The following UBE2E2 variants were observed in gnomAD, a reference collection of about 807,000 sequenced individuals.
UBE2E2 encodes ubiquitin-conjugating enzyme E2 E2.
UBE2E2 carries 6 observed loss-of-function variants against 24.7 expected under a neutral mutation model. The observed-to-expected ratio is 0.24, with a 90% CI of 0.13 to 0.48. UBE2E2 has a LOEUF of 0.48. UBE2E2 is among the 20% of genes least tolerant of loss of function. UBE2E2 has a pLI of 0.99. For synonymous variants in UBE2E2, 104 were observed against 83.6 expected, an observed-to-expected ratio of 1.24 and a Z score of -1.33; for missense variants, 169 against 245.0, an observed-to-expected ratio of 0.69 and a Z score of 2.07.
At chr3:23,329,919 A>G (rs927557244) in intron 3 of UBE2E2, among the ~76,000 whole-genome samples, 2 of 152,228 alleles carry the variant, frequency 1.3e-5, no homozygotes, top group African/African-American at 2.4e-5. Context: ...TGTATTTGGC[A>G]AGAATAAAAA....
At chr3:23,481,971 A>G (rs1442659629) in intron 3 of UBE2E2, among the ~76,000 whole-genome samples, 2 of 152,260 alleles carry the variant, frequency 1.3e-5, no homozygotes, top group Admixed American at 1.3e-4. Flanking sequence ...TACCATGACT[A>G]GTGAACTCTG....
intron 4 of UBE2E2, among the ~76,000 whole-genome samples, chr3:23,504,912 C>CTTTCTTTTTTTTTTTTTT (rs1694401271): frequency 1.1e-5 from 1 of 95,072 alleles, no homozygotes; most frequent in Non-Finnish European, 2.0e-5. Context: ...GACATTCTTT[C>CTTTCTTTTTTTTTTTTTT]TTTTTTTTTT....
At chr3:23,221,564 T>C (rs1696642885) in intron 3 of UBE2E2, among the ~76,000 whole-genome samples, 1 of 152,234 alleles carries the variant, frequency 6.6e-6, no homozygotes, top group Admixed American at 6.5e-5. Context: ...GTGCTTTTTG[T>C]GTCTGGCTTT....
chr3:23,339,670 T>C (rs1695328797), intron 3 of UBE2E2, among the ~76,000 whole-genome samples: 1 of 151,710 alleles, frequency 6.6e-6, no homozygotes, highest in Non-Finnish European at 1.5e-5. Context: ...AATTATGTTA[T>C]GTTTAAATTT....
chr3:23,550,515 CAG>C (rs1695618241), intron 5 of UBE2E2, among the ~76,000 whole-genome samples: 1 of 152,112 alleles, frequency 6.6e-6, no homozygotes, highest in African/African-American at 2.4e-5. Flanking sequence ...CTATGTTGTC[CAG>C]AGAGTTTTGT....
chr3:23,293,593 G>T (rs779068972), intron 3 of UBE2E2, among the ~76,000 whole-genome samples: 3 of 152,118 alleles, frequency 2.0e-5, no homozygotes, highest in Non-Finnish European at 4.4e-5. Context: ...TGAAGTATAA[G>T]AATTAATTCT....
chr3:23,440,470 G>A (rs1387308079), intron 3 of UBE2E2, among the ~76,000 whole-genome samples: 1 of 152,152 alleles, frequency 6.6e-6, no homozygotes, highest in Admixed American at 6.5e-5. Context: ...TTATCTCCAT[G>A]TTAACATTTA....
intron 3 of UBE2E2, among the ~76,000 whole-genome samples, chr3:23,349,732 A>C (rs1032957932): frequency 6.6e-6 from 1 of 152,240 alleles, no homozygotes; most frequent in Non-Finnish European, 1.5e-5. Flanking sequence ...GCAGCCAGGA[A>C]GCTCAAACTG....
intron 3 of UBE2E2, among the ~76,000 whole-genome samples, chr3:23,229,385 C>T (rs1696915467): frequency 6.6e-6 from 1 of 152,056 alleles, no homozygotes; most frequent in African/African-American, 2.4e-5. Flanking sequence ...TTTTGGTGCA[C>T]CCATCTCCTG....
At chr3:23,502,214 G>T (rs1699738480) in intron 4 of UBE2E2, among the ~76,000 whole-genome samples, 1 of 138,314 alleles carries the variant, frequency 7.2e-6, no homozygotes, top group African/African-American at 2.7e-5. Context: ...CTGCTGCTTG[G>T]TATTTTTCTC....
intron 5 of UBE2E2, among the ~76,000 whole-genome samples, chr3:23,545,858 G>A (rs898501459): frequency 2.0e-5 from 3 of 152,070 alleles, no homozygotes; most frequent in Admixed American, 6.6e-5. Context: ...TAACATCTAC[G>A]GCAACTTGGA....
chr3:23,572,248 T>C (rs188782341), intron 5 of UBE2E2, among the ~76,000 whole-genome samples: 3 of 152,320 alleles, frequency 2.0e-5, no homozygotes, highest in East Asian at 1.9e-4. Flanking sequence ...CTGGTTTGGG[T>C]TAAGCCTATA....
At chr3:23,566,366 C>T (rs758590797) in intron 5 of UBE2E2, among the ~76,000 whole-genome samples, 3 of 152,070 alleles carry the variant, frequency 2.0e-5, no homozygotes, top group South Asian at 2.1e-4. Context: ...TTTTGAAGAG[C>T]GAAGTTGTGT....
Position 23,541,622 on chromosome 3 carries a change from A to G in UBE2E2, c.508+8921A>G, listed in dbSNP as rs930816202. Among the ~76,000 whole-genome samples the G allele has an allele frequency of 5.9e-5, 9 of 152,366 alleles. No homozygotes were observed. In the South Asian group the frequency reaches 1.7e-3, roughly 28 times the overall value. ...TTGGAAGAACTTTCTGCTTAAGAGTATCCTACAGGGAAACCTGTTGCCACA... is the reference window on the plus strand; with the variant it reads ...TTGGAAGAACTTTCTGCTTAAGAGTGTCCTACAGGGAAACCTGTTGCCACA... On this transcript the variant is annotated intron_variant, in intron 5 of 5. Transcript: ENST00000396703.
At position 23,341,443 on chromosome 3, in the gene UBE2E2, A is replaced by G. The variant is rs185710899; in HGVS notation, c.227+124131A>G. On this transcript the variant is annotated intron_variant, in intron 3 of 5. Transcript: ENST00000396703. ...GGGCATTGTAGGTCTCATTTTGGAC[A>G]TATGAACTCTGGTAGTTATAAATAC... Among the ~76,000 whole-genome samples, 700 of 152,326 alleles carry G rather than the reference A, an allele frequency of 4.6e-3. 7 individuals carry two copies. The highest frequency in any genetic ancestry group is 0.015 in the African/African-American group (643 of 41,584).
In UBE2E2 at chr3:23,416,050, C is replaced by T. The variant is rs552618098; in HGVS notation, c.228-83558C>T. On this transcript the variant is annotated intron_variant, in intron 3 of 5. Transcript: ENST00000396703. ...GAGAATGATGGTTTCCGGCTTCATCCATGTCCCTACAAAGGACGTGAACTC... is the reference window on the plus strand; with the variant it reads ...GAGAATGATGGTTTCCGGCTTCATCTATGTCCCTACAAAGGACGTGAACTC... Among the ~76,000 whole-genome samples, 52 of 152,318 alleles carry T rather than the reference C, an allele frequency of 3.4e-4. 1 individual carries two copies. The highest frequency in any genetic ancestry group is 9.9e-4 in the African/African-American group (41 of 41,550).
chr3:23,245,766 T>C (rs1249969528), intron 3 of UBE2E2, among the ~76,000 whole-genome samples: 1 of 152,198 alleles, frequency 6.6e-6, no homozygotes, highest in Non-Finnish European at 1.5e-5. Context: ...TTAAACCTTT[T>C]ATGAGGTCTA....
At position 23,458,349 on chromosome 3, in the gene UBE2E2, A is replaced by G. The variant is rs9831159; in HGVS notation, c.228-41259A>G. 4.4e-3 allele frequency among the ~76,000 whole-genome samples: 666 copies of G among 150,884 alleles called. 5 individuals carry two copies. Among genetic ancestry groups the G allele is most frequent in the African/African-American group, 0.015 (628 of 40,666 alleles). On this transcript the variant is annotated intron_variant, in intron 3 of 5. Transcript: ENST00000396703. Reference sequence around the variant, plus strand: ...GGTGTGGTTCATGGTGCCCCAAAACAATTAAGATTCTAACATCAACAATCA... The same window carrying G: ...GGTGTGGTTCATGGTGCCCCAAAACGATTAAGATTCTAACATCAACAATCA...
At chr3:23,342,034 A>T (rs1695402946) in intron 3 of UBE2E2, among the ~76,000 whole-genome samples, 1 of 152,236 alleles carries the variant, frequency 6.6e-6, no homozygotes, top group Non-Finnish European at 1.5e-5. Flanking sequence ...TTAGGTGTTT[A>T]CAAAATGTAT....
Sources: allele counts gnomAD v4.1 joint callset (sites outside exome capture counted in the v4.1 genomes callset), GRCh38; gene constraint gnomAD v4.1.1; transcripts MANE v1.5; gene names NCBI Gene and HGNC (gene_info 2026-07-23, HGNC 2026-07-21).